The following TG variants were observed in gnomAD, a reference collection of about 807,000 sequenced individuals.
TG encodes the protein thyroglobulin.
In TG, 270 loss-of-function variants were observed where a neutral mutation model predicts 324.7. That is an observed-to-expected ratio of 0.83 (90% CI 0.75 to 0.92). The LOEUF (loss-of-function observed/expected upper bound fraction) is 0.92, where lower values mean the gene tolerates loss of function less well. Ranked by LOEUF, TG falls within the 40% of genes least tolerant of loss-of-function variation. The probability of loss-of-function intolerance (pLI) is 0.00; values close to 1 mark genes in which losing one functional copy is unlikely to be tolerated. For synonymous variants in TG, 1,401 were observed against 1,327.0 expected (o/e 1.06, Z -1.21); for missense variants, 3,591 against 3,456.4 (o/e 1.04, Z -0.98).
intron 25 of TG, 31 bp from the exon 26 acceptor site, chr8:132,941,320 C>T: frequency 1.9e-6 from 3 of 1,614,008 alleles, no homozygotes; most frequent in Non-Finnish European, 2.5e-6. Flanking sequence ...GTTTTGAGGT[C>T]TTTTAAAATT....
At chr8:133,116,568 C>A (rs1564207557) in intron 44 of TG, 41 bp from the exon 45 acceptor site, 5 of 1,574,758 alleles carry the variant, frequency 3.2e-6, no homozygotes, top group Non-Finnish European at 4.4e-6. Context: ...GCCCATAGAG[C>A]CATGTTTAAC....
At chr8:133,054,166 C>T (rs1291285999) in intron 41 of TG, among the ~76,000 whole-genome samples, 1 of 152,032 alleles carries the variant, frequency 6.6e-6, no homozygotes, top group African/African-American at 2.4e-5. Context: ...TCATCTACTC[C>T]TAGAACTCCT....
chr8:133,059,856 T>A (rs1425721129), intron 41 of TG, among the ~76,000 whole-genome samples: 2 of 152,212 alleles, frequency 1.3e-5, no homozygotes, highest in African/African-American at 4.8e-5. Context: ...AACCAGCTGA[T>A]CTTGGAGATC....
At chr8:132,940,556 A>G (rs1824300082) in intron 25 of TG, among the ~76,000 whole-genome samples, 1 of 152,246 alleles carries the variant, frequency 6.6e-6, no homozygotes, top group Admixed American at 6.5e-5. Flanking sequence ...ATTCATAATA[A>G]AGAAATGCTT....
At chr8:132,885,285 C>A (rs1207377309) in intron 8 of TG, among the ~76,000 whole-genome samples, 1 of 152,020 alleles carries the variant, frequency 6.6e-6, no homozygotes, top group African/African-American at 2.4e-5. Context: ...CTAGGATGTT[C>A]AGATAGAATG....
intron 35 of TG, among the ~76,000 whole-genome samples, chr8:132,986,880 G>T (rs1363072631): frequency 2.0e-5 from 3 of 152,060 alleles, no homozygotes; most frequent in African/African-American, 7.2e-5. Flanking sequence ...ATATACTTGC[G>T]ATCCTTAAGT....
At chr8:132,957,239 C>A (rs1827017333) in intron 27 of TG, among the ~76,000 whole-genome samples, 1 of 152,112 alleles carries the variant, frequency 6.6e-6, no homozygotes, top group South Asian at 2.1e-4. Flanking sequence ...TACAAAGGTG[C>A]TCTACATACA....
At chr8:132,953,549 C>T (rs1266408850) in intron 27 of TG, among the ~76,000 whole-genome samples, 2 of 152,170 alleles carry the variant, frequency 1.3e-5, no homozygotes, top group Non-Finnish European at 2.9e-5. Flanking sequence ...AGGTCACTTG[C>T]CACACAGAAG....
chr8:132,976,800 G>A (rs1830231060), intron 34 of TG, among the ~76,000 whole-genome samples: 2 of 152,136 alleles, frequency 1.3e-5, no homozygotes, highest in African/African-American at 4.8e-5. Context: ...TGTTGACATG[G>A]TGTGATTTGA....
At chr8:133,063,303 C>T (rs1034759020) in intron 41 of TG, among the ~76,000 whole-genome samples, 6 of 151,940 alleles carry the variant, frequency 3.9e-5, no homozygotes, top group East Asian at 1.9e-4. Flanking sequence ...CATCCCCTCC[C>T]CCAAGCTGCT....
At chr8:133,073,730 A>G (rs1844432637) in intron 41 of TG, among the ~76,000 whole-genome samples, 1 of 152,088 alleles carries the variant, frequency 6.6e-6, no homozygotes, top group Non-Finnish European at 1.5e-5. Context: ...CAAGGGCACC[A>G]CTTTAAACAC....
intron 18 of TG, among the ~76,000 whole-genome samples, chr8:132,910,372 C>G (rs1183858213): frequency 6.6e-6 from 1 of 152,182 alleles, no homozygotes; most frequent in East Asian, 1.9e-4. Context: ...TTCTAAAACC[C>G]TCCAGTCACT....
chr8:132,867,948 G>T (rs1839119066), intron 1 of TG, among the ~76,000 whole-genome samples, 167 bp from the exon 2 acceptor site: 1 of 152,146 alleles, frequency 6.6e-6, no homozygotes, highest in South Asian at 2.1e-4. Context: ...CATTAAATGA[G>T]CTAATGTCAT....
chr8:133,038,357 C>G, intron 41 of TG: 1 of 621,940 alleles, frequency 1.6e-6, no homozygotes, highest in Non-Finnish European at 2.9e-6. Context: ...TTCCTTTGGT[C>G]ATGATGTGGA....
chr8:133,066,312 C>T (rs1185169522), intron 41 of TG, among the ~76,000 whole-genome samples: 2 of 112,748 alleles, frequency 1.8e-5, no homozygotes, highest in East Asian at 2.4e-4. Context: ...GGTGACAGAG[C>T]GAGACTCTGT....
At chr8:132,965,471 G>A (rs1263363242) in intron 29 of TG, among the ~76,000 whole-genome samples, 1 of 152,218 alleles carries the variant, frequency 6.6e-6, no homozygotes, top group Non-Finnish European at 1.5e-5. Flanking sequence ...GTATATATGG[G>A]ATGTAGTGCC....
At chr8:133,007,037 T>G (rs1354559977) in intron 35 of TG, among the ~76,000 whole-genome samples, 2 of 152,182 alleles carry the variant, frequency 1.3e-5, no homozygotes, top group African/African-American at 4.8e-5. Context: ...AGGGAGATAT[T>G]TGTTGAAGTG....
chr8:133,082,734 T>C (rs1215701064), intron 41 of TG, among the ~76,000 whole-genome samples: 1 of 152,244 alleles, frequency 6.6e-6, no homozygotes, highest in East Asian at 1.9e-4. Context: ...AAAATGACGG[T>C]AGGATCTGTA....
chr8:132,968,002 A>T (rs200404745), intron 31 of TG, 32 bp downstream of exon 31: 20 of 1,609,638 alleles, frequency 1.2e-5, no homozygotes, highest in Non-Finnish European at 1.6e-5. Flanking sequence ...CATAAACTGT[A>T]TTTCCAATGT....
Sources: allele counts gnomAD v4.1 joint callset (sites outside exome capture counted in the v4.1 genomes callset), GRCh38; gene constraint gnomAD v4.1.1; transcripts MANE v1.5; gene names NCBI Gene and HGNC (gene_info 2026-07-23, HGNC 2026-07-21).